The following ZNF668 variants were observed in gnomAD, a reference collection of about 807,000 sequenced individuals.
ZNF668 encodes zinc finger protein 668.
ZNF668 carries 10 observed loss-of-function variants against 40.3 expected under a neutral mutation model. The observed-to-expected ratio is 0.25, with a 90% CI of 0.15 to 0.42. The LOEUF is 0.42. Ranked by LOEUF, ZNF668 falls within the 10% of genes least tolerant of loss-of-function variation. The probability of loss-of-function intolerance (pLI) is 1.00; values close to 1 mark genes in which losing one functional copy is unlikely to be tolerated. For synonymous variants in ZNF668, 428 were observed against 384.6 expected, an observed-to-expected ratio of 1.11 and a Z score of -1.32; for missense variants, 749 against 904.6, an observed-to-expected ratio of 0.83 and a Z score of 2.21.
Position 31,064,105 on chromosome 16 carries a change from G to T in ZNF668, c.355C>A (p.Arg119Ser), listed in dbSNP as rs1363508675. Residue 119 changes from arginine to serine, a missense_variant, in exon 2 of 3, where the codon CGC becomes AGC. Arg to Ser is a moderately radical substitution (Grantham distance 110). Around this residue, in one of 4 missense-constraint regions of ZNF668, gnomAD observed 151 missense variants for 178.6 expected, o/e 0.85. Transcript: ENST00000300849. ...AGGCACACGGGCTGCATGAAGCGGCGGCCGCACTCGGGGCACGGAAAGGGC... is the reference window on the plus strand; with the variant it reads ...AGGCACACGGGCTGCATGAAGCGGCTGCCGCACTCGGGGCACGGAAAGGGC... ...EKPFPCPECGRRFMQPVCLRV... is the reference protein window; with the variant it reads ...EKPFPCPECGSRFMQPVCLRV... 9 of 1,605,140 alleles carry T rather than the reference G, an allele frequency of 5.6e-6. 1 individual carries two copies. The highest frequency in any genetic ancestry group is 7.6e-6 in the Non-Finnish European group (9 of 1,177,344).
rs910217111 is a variant in ZNF668 at position 31,074,100 on chromosome 16, C to T, written c.-464G>A. On this transcript the variant is annotated 5_prime_UTR_variant, in exon 1 of 3. Transcript: ENST00000300849. Reference sequence around the variant, plus strand: ...GTTTCACGAAGTTTTCTCCATCTGCCTTGGGAAAAGTCCTCCAGAGAGCCC... The same window carrying T: ...GTTTCACGAAGTTTTCTCCATCTGCTTTGGGAAAAGTCCTCCAGAGAGCCC... The T allele has an allele frequency of 6.6e-6, 1 of 152,224 alleles. No individual in the cohort carries two copies. Among genetic ancestry groups the T allele is most frequent in the Admixed American group, 6.5e-5 (1 of 15,282 alleles). The allele number at this position is 152,224 out of a possible 1,614,324, so 9.4% of individuals were successfully genotyped here. A position where few individuals can be genotyped will look rare whatever the true frequency, so the allele number is the denominator to read the frequency against.
At chr16:31,062,887 G>C (rs536256869) in intron 2 of ZNF668, 2 of 151,704 alleles carry the variant, frequency 1.3e-5, no homozygotes, top group South Asian at 2.1e-4. Context: ...CTGAGGTCAG[G>C]AGTTCAAGAC....
intron 1 of ZNF668, among the ~76,000 whole-genome samples, chr16:31,068,239 A>AAAAAAAAAAAAAT (rs1473353128): frequency 1.6e-4 from 13 of 82,992 alleles, no homozygotes; most frequent in East Asian, 1.1e-3. Context: ...AAAAAAAAAA[A>AAAAAAAAAAAAAT]ATATATATAT....
chr16:31,064,394 G>A lies in ZNF668; in HGVS notation c.66C>T (p.Tyr22=). 4 of 1,613,722 alleles carry A rather than the reference G, an allele frequency of 2.5e-6. No homozygotes were observed. The highest frequency in any genetic ancestry group is 3.4e-6 in the Non-Finnish European group (4 of 1,180,014). Residue 22 remains tyrosine (Y), a synonymous_variant, in exon 2 of 3, where the codon TAC becomes TAT. Transcript: ENST00000300849. ...APGYKRSGRR[Y]KCLSCTKTFP... The stretch of plus-strand genomic sequence containing the variant: ...ATGTCTTGGTACAGGACAGGCACTT[G>A]TAGCGGCGGCCCGAGCGCTTGTAGC...
intron 1 of ZNF668, chr16:31,073,244 A>T (rs2057031056): frequency 6.6e-6 from 1 of 152,388 alleles, no homozygotes; most frequent in Non-Finnish European, 1.5e-5. Flanking sequence ...AGGCCGAATG[A>T]GGGACAAAGG....
chr16:31,064,339 C>A lies in ZNF668; in HGVS notation c.121G>T (p.Ala41Ser). 1 of 1,613,934 alleles carries A rather than the reference C, an allele frequency of 6.2e-7. No homozygotes were observed. The highest frequency in any genetic ancestry group is 1.6e-4 in the Middle Eastern group (1 of 6,062). Reference protein sequence around the residue: ...FPNAPRAARHAATHGPADCSE... With the variant: ...FPNAPRAARHSATHGPADCSE... The stretch of plus-strand genomic sequence containing the variant: ...CAGTCTGCCGGCCCATGTGTGGCAG[C>A]GTGGCGCGCTGCCCTGGGCGCGTTT... Residue 41 changes from alanine (A) to serine (S), a missense_variant, in exon 2 of 3, where the codon GCT becomes TCT. This residue lies in a region of ZNF668 where 159 missense variants were observed against 139.8 expected (regional missense o/e 1.14). Transcript: ENST00000300849.
rs2056915982 is a variant in ZNF668 at position 31,060,996 on chromosome 16, G to C, written c.*72C>G. 1 of 1,405,818 alleles carries C rather than the reference G, an allele frequency of 7.1e-7. No individual in the cohort carries two copies. Among genetic ancestry groups the C allele is most frequent in the Non-Finnish European group, 9.3e-7 (1 of 1,075,360 alleles). 87.1% of individuals were successfully genotyped at this position (1,405,818 alleles called of 1,614,324 possible). A position where few individuals can be genotyped will look rare whatever the true frequency, so the allele number is the denominator to read the frequency against. On this transcript the variant is annotated 3_prime_UTR_variant, in exon 3 of 3. Transcript: ENST00000300849. ...ATCTGGAGTCTAAAGAGCAGAGCCAGGCAAAAGGAGGTACAGGAAGCCCCC... is the reference window on the plus strand; with the variant it reads ...ATCTGGAGTCTAAAGAGCAGAGCCACGCAAAAGGAGGTACAGGAAGCCCCC...
At position 31,065,927 on chromosome 16, in the gene ZNF668, T is replaced by C. The variant is rs1411196202; in HGVS notation, c.-22-1446A>G. 6 of 654,340 alleles carry C rather than the reference T, an allele frequency of 9.2e-6. No individual in the cohort carries two copies. In the Admixed American group the frequency reaches 3.2e-4, roughly 34 times the overall value. The allele number at this position is 654,340 out of a possible 1,614,324, so 40.5% of individuals were successfully genotyped here. A position where few individuals can be genotyped will look rare whatever the true frequency, so the allele number is the denominator to read the frequency against. ...GTTGGTGGCTTCTAAGTTATGACAC[T>C]GGGGTTCAGGAGGAGGAAACTGAGC... On this transcript the variant is annotated intron_variant, in intron 1 of 2. Transcript: ENST00000300849.
At chr16:31,064,624 G>C (rs771237800) in intron 1 of ZNF668, 143 bp from the exon 2 acceptor site, 1 of 1,537,562 alleles carries the variant, frequency 6.5e-7, no homozygotes, top group South Asian at 1.2e-5. Context: ...GACATCCTGC[G>C]TTCGTTTCCT....
chr16:31,069,282 C>CAA (rs888760318), intron 1 of ZNF668: 1 of 151,790 alleles, frequency 6.6e-6, no homozygotes, highest in Non-Finnish European at 1.5e-5. Context: ...CACACACACA[C>CAA]ACACACACAC....
intron 1 of ZNF668, among the ~76,000 whole-genome samples, chr16:31,072,002 C>T (rs2057018423): frequency 1.3e-5 from 2 of 152,262 alleles, no homozygotes; most frequent in Admixed American, 6.5e-5. Flanking sequence ...GGCTGAATGA[C>T]GTCATAAGGG....
intron 1 of ZNF668, among the ~76,000 whole-genome samples, chr16:31,068,239 A>AAAAAT (rs1473353128): frequency 2.4e-5 from 2 of 82,994 alleles, no homozygotes; most frequent in African/African-American, 5.0e-5. Flanking sequence ...AAAAAAAAAA[A>AAAAAT]ATATATATAT....
intron 1 of ZNF668, among the ~76,000 whole-genome samples, chr16:31,069,599 C>G (rs1440376324): frequency 6.6e-6 from 1 of 152,002 alleles, no homozygotes; most frequent in Non-Finnish European, 1.5e-5. Context: ...CCAAGGAGCA[C>G]TGAATGACTA....
At chr16:31,063,556 G>A (rs1461261210) in intron 2 of ZNF668, among the ~76,000 whole-genome samples, 1 of 151,438 alleles carries the variant, frequency 6.6e-6, no homozygotes, top group African/African-American at 2.4e-5. Flanking sequence ...TCCAAACCCC[G>A]CCCCCTTTCC....
intron 1 of ZNF668, among the ~76,000 whole-genome samples, chr16:31,069,770 ATTTTTTT>A (rs57798819): frequency 4.7e-5 from 4 of 84,514 alleles, no homozygotes; most frequent in African/African-American, 1.5e-4. Flanking sequence ...ACGCCCGGCT[ATTTTTTT>A]TTTTTTTTTT....
chr16:31,065,054 A>T, intron 1 of ZNF668: 1 of 1,074,564 alleles, frequency 9.3e-7, no homozygotes, highest in Non-Finnish European at 1.1e-6. Context: ...CTGGCCTTGC[A>T]CAGCTGTACG....
chr16:31,072,602 C>T (rs1265643264), intron 1 of ZNF668: 2 of 152,324 alleles, frequency 1.3e-5, no homozygotes, highest in Non-Finnish European at 2.9e-5. Flanking sequence ...CCTCAATCTT[C>T]CCATCTCTAA....
intron 1 of ZNF668, among the ~76,000 whole-genome samples, chr16:31,070,143 C>T (rs2057005659): frequency 6.6e-6 from 1 of 151,806 alleles, no homozygotes; most frequent in African/African-American, 2.4e-5. Context: ...TGGTCTCGAT[C>T]TATTGACCTC....
chr16:31,064,008 G>A lies in ZNF668; in HGVS notation c.452C>T (p.Ala151Val), dbSNP rs1345682700. The change falls in exon 2 of 3, where the codon GCG becomes GTG. Residue 151 changes from alanine to valine, a missense_variant. Physicochemically the swap from Ala to Val is moderately conservative, Grantham distance 64 (BLOSUM62 0). Coordinates refer to ENST00000300849, the MANE Select transcript of ZNF668 (RefSeq NM_024706.5). ...CTGGTGGATCTTGAGCTTGGAGAGCGCGCCATAGGCCTTCGGGCAGTGCGC... is the reference window on the plus strand; with the variant it reads ...CTGGTGGATCTTGAGCTTGGAGAGCACGCCATAGGCCTTCGGGCAGTGCGC... ...RCAHCPKAYG[A>V]LSKLKIHQRG... The A allele has an allele frequency of 2.5e-6, 4 of 1,608,300 alleles. No individual in the cohort carries two copies. Among genetic ancestry groups the A allele is most frequent in the African/African-American group, 2.7e-5 (2 of 74,850 alleles).
Sources: allele counts gnomAD v4.1 joint callset (sites outside exome capture counted in the v4.1 genomes callset), GRCh38; gene constraint gnomAD v4.1.1; regional missense constraint gnomAD v4.1.1; transcripts MANE v1.5; gene names NCBI Gene and HGNC (gene_info 2026-07-23, HGNC 2026-07-21).